PROX2: variants seen among roughly 807,000 people sequenced by gnomAD.
PROX2 encodes prospero homeobox protein 2.
In PROX2, 46 loss-of-function variants were observed where a neutral mutation model predicts 48.9. The ratio of observed to expected loss-of-function variants is 0.94; its 90% CI spans 0.74 to 1.20. The LOEUF (loss-of-function observed/expected upper bound fraction) is 1.20. PROX2 is among the 50% of genes most tolerant of loss of function. The pLI, the probability that PROX2 is intolerant of heterozygous loss-of-function variation, is 0.00. For synonymous variants in PROX2, 260 were observed against 276.6 expected, an observed-to-expected ratio of 0.94 and a Z score of 0.60; for missense variants, 663 against 719.4, an observed-to-expected ratio of 0.92 and a Z score of 0.90.
At chr14:74,862,474 A>G (rs1443986072) in intron 3 of PROX2, 56 bp downstream of exon 3, 16 of 1,556,692 alleles carry the variant, frequency 1.0e-5, no homozygotes, top group Non-Finnish European at 1.3e-5. Flanking sequence ...GATTACAAGC[A>G]TGAGCCACAC....
intron 4 of PROX2, 85 bp from the exon 5 acceptor site, chr14:74,857,080 G>T: frequency 3.5e-6 from 4 of 1,130,294 alleles, no homozygotes; most frequent in Non-Finnish European, 5.2e-6. Flanking sequence ...TCAGTATAGG[G>T]GTTCATATAC....
At position 74,863,928 on chromosome 14, in the gene PROX2, T is replaced by C; in HGVS notation, c.-94A>G. ...TGCGCTGGGCTTCCTCCTCTGCACTTAGAAGGGTAAAGAGCCACTGTCACT... is the reference window on the plus strand; with the variant it reads ...TGCGCTGGGCTTCCTCCTCTGCACTCAGAAGGGTAAAGAGCCACTGTCACT... On this transcript the variant is annotated 5_prime_UTR_variant, in exon 3 of 6. An upstream open reading frame in the 5' UTR loses its in-frame stop. Transcript: ENST00000556489. 1 of 1,355,044 alleles carries C rather than the reference T, an allele frequency of 7.4e-7. No individual in the cohort carries two copies. Among genetic ancestry groups the C allele is most frequent in the Non-Finnish European group, 9.5e-7 (1 of 1,057,780 alleles). The allele number at this position is 1,355,044 out of a possible 1,614,324, so 83.9% of individuals were successfully genotyped here. A position where few individuals can be genotyped will look rare whatever the true frequency, so the allele number is the denominator to read the frequency against.
chr14:74,862,942 A>G lies in PROX2; in HGVS notation c.893T>C (p.Val298Ala), dbSNP rs1566780185. The G allele has an allele frequency of 6.2e-7, 1 of 1,613,832 alleles. No homozygotes were observed. Among genetic ancestry groups the G allele is most frequent in the Non-Finnish European group, 8.5e-7 (1 of 1,179,828 alleles). ...LPRRVQLQAG[V>A]PVGNLSLAKR... is the part of the protein sequence containing the mutation. ...GGCCAGTGATAAATTTCCTACTGGG[A>G]CCCCAGCTTGTAGCTGGACCCTCCT... Residue 298 changes from valine (V) to alanine (A), a missense_variant, in exon 3 of 6, where the codon GTC becomes GCC. Coordinates refer to ENST00000556489, the MANE Select transcript of PROX2 (RefSeq NM_001243007.2).
chr14:74,861,203 G>C (rs1467083063), intron 3 of PROX2: 1 of 1,352,478 alleles, frequency 7.4e-7, no homozygotes, highest in Non-Finnish European at 9.8e-7. Context: ...GGACACGACT[G>C]TTCCCACCTG....
intron 1 of PROX2, among the ~76,000 whole-genome samples, chr14:74,872,396 C>T (rs748917682): frequency 6.6e-6 from 1 of 152,148 alleles, no homozygotes; most frequent in East Asian, 1.9e-4. Flanking sequence ...GACCACCCAA[C>T]GTGATTGGAA....
rs3083647 is a variant in PROX2, at chr14:74,858,778, TTGTGTGTGTGTGTGTGTG to T, written c.1306-282_1306-265del. ...GATGTCAAATACAGGTTGGTGTATTTTGTGTGTGTGTGTGTGTGTGTGTGTGTGTGTGGTGTCTTAGAT... is the reference window on the plus strand; with the variant it reads ...GATGTCAAATACAGGTTGGTGTATTTTGTGTGTGTGTGTGGTGTCTTAGAT... On this transcript the variant is annotated intron_variant, in intron 3 of 5. Transcript: ENST00000556489. 4.7e-5 allele frequency: 10 copies of T among 214,546 alleles called. No homozygotes were observed. In the East Asian group the frequency reaches 1.1e-3, roughly 23 times the overall value. The allele number at this position is 214,546 out of a possible 1,614,324, so 13.3% of individuals were successfully genotyped here.
chr14:74,868,739 A>G (rs1883138544), intron 2 of PROX2, among the ~76,000 whole-genome samples: 1 of 151,972 alleles, frequency 6.6e-6, no homozygotes, highest in Non-Finnish European at 1.5e-5. Context: ...CGGGAGGCTG[A>G]GGCAGAAGAA....
chr14:74,870,375 T>C (rs1883179474), intron 2 of PROX2, among the ~76,000 whole-genome samples: 1 of 146,764 alleles, frequency 6.8e-6, no homozygotes, highest in Non-Finnish European at 1.5e-5. Flanking sequence ...CAGTGAGCTC[T>C]GATTGCGCCA....
At chr14:74,859,885 T>A (rs777179009) in intron 3 of PROX2, among the ~76,000 whole-genome samples, 1 of 152,220 alleles carries the variant, frequency 6.6e-6, no homozygotes, top group Non-Finnish European at 1.5e-5. Context: ...TGGATTGGGA[T>A]TCCAAAGACC....
Position 74,873,726 on chromosome 14 carries a change from T to C in PROX2, c.-310+2169A>G, listed in dbSNP as rs185300105. The C allele has an allele frequency of 1.3e-5, 6 of 463,178 alleles. No individual in the cohort carries two copies. The East Asian group carries it at 2.9e-4, about 22-fold the overall frequency. 28.7% of individuals were successfully genotyped at this position (463,178 alleles called of 1,614,324 possible). Reference sequence around the variant, plus strand: ...TAAGGAACTAGAGAGTCACCTGCAATAAGTGGATGGATTCGAAAAGGCCAA... The same window carrying C: ...TAAGGAACTAGAGAGTCACCTGCAACAAGTGGATGGATTCGAAAAGGCCAA... On this transcript the variant is annotated intron_variant, in intron 1 of 5. Coordinates refer to ENST00000556489, the MANE Select transcript of PROX2 (RefSeq NM_001243007.2).
intron 2 of PROX2, chr14:74,865,175 A>AC (rs1401347793): frequency 1.3e-5 from 2 of 151,016 alleles, no homozygotes; most frequent in East Asian, 1.9e-4. Context: ...AAAAAAAAAA[A>AC]CACTGCCGTC....
In PROX2 at chr14:74,863,443, C is replaced by A; in HGVS notation, c.392G>T (p.Arg131Leu). 13 of 1,613,202 alleles carry A rather than the reference C, an allele frequency of 8.1e-6. No homozygotes were observed. Among genetic ancestry groups the A allele is most frequent in the Non-Finnish European group, 1.1e-5 (13 of 1,179,488 alleles). Residue 131 changes from arginine to leucine, a missense_variant, in exon 3 of 6, where the codon CGT becomes CTT. Coordinates refer to ENST00000556489, the MANE Select transcript of PROX2 (RefSeq NM_001243007.2). ...WDQGNRKGGP[R>L]VREQLHLLKQ... The stretch of plus-strand genomic sequence containing the variant: ...CAGCAGATGAAGTTGTTCTCTCACA[C>A]GAGGGCCCCCCTTCCTGTTGCCCTG...
intron 2 of PROX2, among the ~76,000 whole-genome samples, chr14:74,869,724 A>G (rs1158189874): frequency 6.6e-6 from 1 of 152,188 alleles, no homozygotes; most frequent in African/African-American, 2.4e-5. Context: ...TATCTTTATC[A>G]ACGCTGGGCA....
At chr14:74,859,140 G>T (rs1175759671) in intron 3 of PROX2, 2 of 152,140 alleles carry the variant, frequency 1.3e-5, no homozygotes, top group African/African-American at 4.8e-5. Flanking sequence ...TGAATGGTTG[G>T]GTGGTACCCA....
intron 2 of PROX2, among the ~76,000 whole-genome samples, chr14:74,867,270 A>G (rs1883087330): frequency 6.6e-6 from 1 of 152,148 alleles, no homozygotes; most frequent in Non-Finnish European, 1.5e-5. Flanking sequence ...ACTACCCTCA[A>G]CAATTGCCTG....
chr14:74,857,143 C>T (rs1004018764), intron 4 of PROX2, 148 bp from the exon 5 acceptor site: 30 of 611,218 alleles, frequency 4.9e-5, no homozygotes, highest in Non-Finnish European at 7.1e-5. Context: ...GCGAAGCCAC[C>T]GCTATTTTCC....
intron 1 of PROX2, among the ~76,000 whole-genome samples, chr14:74,875,174 A>C (rs1883310527): frequency 6.6e-6 from 1 of 152,166 alleles, no homozygotes; most frequent in African/African-American, 2.4e-5. Flanking sequence ...ATAAAATAAA[A>C]TCTTAACCAC....
chr14:74,860,400 G>C (rs536042062), intron 3 of PROX2, among the ~76,000 whole-genome samples: 4 of 152,140 alleles, frequency 2.6e-5, no homozygotes, highest in East Asian at 3.9e-4. Flanking sequence ...TCATTCTTAG[G>C]GGGGGAAAAT....
intron 3 of PROX2, chr14:74,859,177 C>T (rs2091775895): frequency 6.6e-6 from 1 of 152,178 alleles, no homozygotes; most frequent in Non-Finnish European, 1.5e-5. Context: ...CAGAACTATC[C>T]CTCATCTTTC....
Sources: allele counts gnomAD v4.1 joint callset (sites outside exome capture counted in the v4.1 genomes callset), GRCh38; gene constraint gnomAD v4.1.1; transcripts MANE v1.5; gene names NCBI Gene and HGNC (gene_info 2026-07-23, HGNC 2026-07-21).